The following HMGB1 variants were observed in gnomAD, a reference collection of about 807,000 sequenced individuals.
HMGB1 encodes the protein high mobility group protein B1.
For missense variants in HMGB1, 79 were observed against 253.5 expected, an observed-to-expected ratio of 0.31 and a Z score of 4.67; for synonymous variants, 81 against 84.0, an observed-to-expected ratio of 0.96 and a Z score of 0.19.
intron 1 of HMGB1, among the ~76,000 whole-genome samples, chr13:30,489,425 TG>T (rs1425362303): frequency 1.3e-5 from 2 of 152,220 alleles, no homozygotes; most frequent in Non-Finnish European, 2.9e-5. Context: ...GTTGTACTGG[TG>T]GGAAGAGGAT....
At chr13:30,591,448 G>A (rs1871366704) in intron 1 of HMGB1, among the ~76,000 whole-genome samples, 1 of 151,854 alleles carries the variant, frequency 6.6e-6, no homozygotes, top group Non-Finnish European at 1.5e-5. Context: ...AATATATTGT[G>A]CTAAGGAATT....
chr13:30,517,594 A>G lies in HMGB1; in HGVS notation c.-14-53900T>C, dbSNP rs187531666. 5.8e-4 allele frequency among the ~76,000 whole-genome samples: 89 copies of G among 152,266 alleles called. 1 individual carries two copies. The East Asian group carries it at 0.016, about 28-fold the overall frequency. On this transcript the variant is annotated intron_variant, in intron 1 of 4. Transcript: ENST00000405805. ...TTTTTAGTAGAGATGGGGTTTCACC[A>G]TGTTGGCCAGGCTCGAACTCCTGAC...
chr13:30,492,478 GACAA>G (rs1242193455), intron 1 of HMGB1, among the ~76,000 whole-genome samples: 4 of 152,128 alleles, frequency 2.6e-5, no homozygotes, highest in Admixed American at 1.3e-4. Flanking sequence ...GTAGGCAAAA[GACAA>G]ACAAATGCTT....
At chr13:30,612,766 T>C (rs747585533) in intron 1 of HMGB1, among the ~76,000 whole-genome samples, 5 of 152,154 alleles carry the variant, frequency 3.3e-5, no homozygotes, top group African/African-American at 7.2e-5. Context: ...TTTTTTGATT[T>C]GGAGGCTTCC....
At chr13:30,498,626 A>AATTATTATTATTATTATT (rs71192659) in intron 1 of HMGB1, among the ~76,000 whole-genome samples, 17 of 143,968 alleles carry the variant, frequency 1.2e-4, no homozygotes, top group African/African-American at 1.0e-4. Context: ...GGAATCAGCA[A>AATTATTATTATTATTATT]ATTATTATTA....
chr13:30,508,636 T>C (rs1278551219), intron 1 of HMGB1, among the ~76,000 whole-genome samples: 1 of 152,210 alleles, frequency 6.6e-6, no homozygotes, highest in Non-Finnish European at 1.5e-5. Context: ...CTCCACCAAT[T>C]TGCTTTGAAT....
In HMGB1 at chr13:30,457,731, ATC is replaced by A. The variant is rs1478817083; in HGVS notation, c.*3624_*3625del. Reference sequence around the variant, plus strand: ...TTGTGTCATTCCATGTTGTATGGTTATCTGTCATGATGTATCGTGAAACAAGC... The same window carrying A: ...TTGTGTCATTCCATGTTGTATGGTTATGTCATGATGTATCGTGAAACAAGC... On this transcript the variant is annotated 3_prime_UTR_variant, in exon 5 of 5. Transcript: ENST00000341423. 1 of 152,192 alleles carries A rather than the reference ATC, an allele frequency of 6.6e-6. No homozygotes were observed. Among genetic ancestry groups the A allele is most frequent in the Admixed American group, 6.5e-5 (1 of 15,278 alleles). The allele number at this position is 152,192 out of a possible 1,614,324, so 9.4% of individuals were successfully genotyped here. A position where few individuals can be genotyped will look rare whatever the true frequency, so the allele number is the denominator to read the frequency against.
intron 1 of HMGB1, among the ~76,000 whole-genome samples, chr13:30,526,952 C>T (rs536506428): frequency 4.9e-4 from 74 of 152,376 alleles, no homozygotes; most frequent in Non-Finnish European, 7.5e-4. Flanking sequence ...CATTCCTAAC[C>T]GCAGTGTTTT....
chr13:30,468,629 T>C (rs1886853863), upstream of HMGB1, among the ~76,000 whole-genome samples: 1 of 152,202 alleles, frequency 6.6e-6, no homozygotes, highest in Non-Finnish European at 1.5e-5. Context: ...CCTTTATTTA[T>C]TCCCAAGTTT....
At chr13:30,508,769 T>C (rs909957177) in intron 1 of HMGB1, among the ~76,000 whole-genome samples, 1 of 152,140 alleles carries the variant, frequency 6.6e-6, no homozygotes, top group Non-Finnish European at 1.5e-5. Flanking sequence ...TTTTCAAGGG[T>C]CAGACTATGT....
At chr13:30,505,468 G>A (rs9508765) in intron 1 of HMGB1, among the ~76,000 whole-genome samples, 107,303 of 149,480 alleles carry the variant, frequency 0.72, 38,918 homozygotes, top group Middle Eastern at 0.85. Flanking sequence ...GTAAGCCACC[G>A]CGCCCAACCA....
intron 1 of HMGB1, among the ~76,000 whole-genome samples, chr13:30,594,357 C>T (rs1871509092): frequency 6.6e-6 from 1 of 152,130 alleles, no homozygotes; most frequent in African/African-American, 2.4e-5. Flanking sequence ...AGTTTTTCAG[C>T]CCTTGCCCCC....
intron 1 of HMGB1, among the ~76,000 whole-genome samples, chr13:30,493,258 A>G (rs113981402): frequency 1.1e-4 from 17 of 152,330 alleles, no homozygotes; most frequent in African/African-American, 3.6e-4. Context: ...ATAAACAGGA[A>G]TGAACTACTA....
intron 1 of HMGB1, among the ~76,000 whole-genome samples, chr13:30,538,708 TTTC>T (rs1489530036): frequency 7.1e-6 from 1 of 140,528 alleles, no homozygotes; most frequent in Non-Finnish European, 1.5e-5. Context: ...TTTCTTTTTC[TTTC>T]TTTCTTCTTT....
At chr13:30,606,918 A>G (rs1275540487) in intron 1 of HMGB1, among the ~76,000 whole-genome samples, 5 of 152,342 alleles carry the variant, frequency 3.3e-5, no homozygotes, top group South Asian at 2.1e-4. Flanking sequence ...GCACTCCTGA[A>G]TTCAATGAAC....
At chr13:30,516,593 A>T (rs1015168723) in intron 1 of HMGB1, among the ~76,000 whole-genome samples, 1 of 152,140 alleles carries the variant, frequency 6.6e-6, no homozygotes, top group Non-Finnish European at 1.5e-5. Context: ...TTTTAAATAT[A>T]TTTTTAGTCG....
intron 1 of HMGB1, among the ~76,000 whole-genome samples, chr13:30,548,022 GT>G (rs2137509468): frequency 1.3e-5 from 2 of 152,258 alleles, no homozygotes; most frequent in Admixed American, 1.3e-4. Flanking sequence ...TTATCTAATG[GT>G]GTTTTTCTAA....
intron 1 of HMGB1, among the ~76,000 whole-genome samples, chr13:30,600,984 C>T (rs543266749): frequency 1.9e-3 from 296 of 152,312 alleles, no homozygotes; most frequent in Non-Finnish European, 2.2e-3. Flanking sequence ...CCTGAAGTAA[C>T]TGAAGATCCA....
Position 30,465,744 on chromosome 13 carries a change from C to G in HMGB1, c.-15+52G>C, listed in dbSNP as rs888752514. 3.3e-5 allele frequency: 32 copies of G among 962,292 alleles called. No homozygotes were observed. In the East Asian group the frequency reaches 7.0e-4, roughly 21 times the overall value. 59.6% of individuals were successfully genotyped at this position (962,292 alleles called of 1,614,324 possible). A position where few individuals can be genotyped will look rare whatever the true frequency, so the allele number is the denominator to read the frequency against. On this transcript the variant is annotated intron_variant, in intron 1 of 4. Coordinates refer to ENST00000341423, the MANE Select transcript of HMGB1 (RefSeq NM_002128.7). ...CGCGGGGATCCGGCCGCCGCGCGGGCTGGGGAGCTGCCGGAGGCGCTCTCC... is the reference window on the plus strand; with the variant it reads ...CGCGGGGATCCGGCCGCCGCGCGGGGTGGGGAGCTGCCGGAGGCGCTCTCC...
Sources: allele counts gnomAD v4.1 joint callset (sites outside exome capture counted in the v4.1 genomes callset), GRCh38; gene constraint gnomAD v4.1.1; transcripts MANE v1.5; gene names NCBI Gene and HGNC (gene_info 2026-07-23, HGNC 2026-07-21).